Variants in SLC4A4 observed in about 807,000 individuals in gnomAD.
SLC4A4 encodes electrogenic sodium bicarbonate cotransporter 1.
Under a neutral mutation model 111.5 loss-of-function variants are expected in SLC4A4, and 27 were observed. That is an observed-to-expected ratio of 0.24 (90% CI 0.18 to 0.33). SLC4A4 has a LOEUF of 0.33. Among genes scored for constraint, SLC4A4 ranks in the 10% least tolerant of loss-of-function variants. SLC4A4 has a pLI of 1.00. For synonymous variants in SLC4A4, 443 were observed against 463.4 expected (o/e 0.96, Z 0.57); for missense variants, 909 against 1,315.5 (o/e 0.69, Z 4.78).
chr4:71,098,131 T>C (rs950473569), intron 2 of SLC4A4, among the ~76,000 whole-genome samples: 1 of 152,200 alleles, frequency 6.6e-6, no homozygotes, highest in African/African-American at 2.4e-5. Context: ...TTACCTAGGT[T>C]GTCTTCCAGA....
intron 2 of SLC4A4, among the ~76,000 whole-genome samples, chr4:71,145,000 G>A (rs1284403107): frequency 6.6e-6 from 1 of 152,104 alleles, no homozygotes; most frequent in African/African-American, 2.4e-5. Context: ...TAGGAGTGGT[G>A]AGAGAGGGCA....
At chr4:71,303,535 A>T (rs1351002555) in intron 3 of SLC4A4, among the ~76,000 whole-genome samples, 1 of 152,168 alleles carries the variant, frequency 6.6e-6, no homozygotes, top group Admixed American at 6.5e-5. Context: ...ACTGTGTTTC[A>T]GTTTTTGATT....
intron 6 of SLC4A4, among the ~76,000 whole-genome samples, chr4:71,396,559 C>A (rs1399947982): frequency 1.3e-5 from 2 of 152,156 alleles, no homozygotes; most frequent in Admixed American, 1.3e-4. Flanking sequence ...TGAGTCAGAT[C>A]ATTGAGGATT....
At chr4:71,300,746 G>A (rs750946955) in intron 3 of SLC4A4, 12 of 371,638 alleles carry the variant, frequency 3.2e-5, no homozygotes, top group African/African-American at 1.3e-4. Context: ...AGGGTGTTTC[G>A]AAGGTCTTAC....
At chr4:71,460,528 T>G (rs778352963) in intron 12 of SLC4A4, among the ~76,000 whole-genome samples, 2 of 152,154 alleles carry the variant, frequency 1.3e-5, no homozygotes, top group Non-Finnish European at 2.9e-5. Flanking sequence ...TGCTGGGCAT[T>G]GTAAACAGAA....
chr4:71,081,564 G>A (rs570357945), intron 1 of SLC4A4, among the ~76,000 whole-genome samples: 28 of 152,150 alleles, frequency 1.8e-4, no homozygotes, highest in African/African-American at 6.3e-4. Flanking sequence ...CTTGCTCTAC[G>A]TTACAGTGAT....
chr4:71,566,663 C>A (rs2149260519), intron 24 of SLC4A4, among the ~76,000 whole-genome samples: 1 of 151,444 alleles, frequency 6.6e-6, no homozygotes, highest in East Asian at 2.0e-4. Flanking sequence ...TCCTTATGAA[C>A]AACAGCAGGC....
chr4:71,098,189 G>C (rs1376033406), intron 2 of SLC4A4, among the ~76,000 whole-genome samples: 2 of 152,118 alleles, frequency 1.3e-5, no homozygotes, highest in African/African-American at 4.8e-5. Flanking sequence ...TTCATCCTGA[G>C]TTGATTTTTG....
intron 3 of SLC4A4, among the ~76,000 whole-genome samples, chr4:71,337,842 A>C (rs1011544386): frequency 6.6e-6 from 1 of 151,420 alleles, no homozygotes; most frequent in Admixed American, 6.6e-5. Flanking sequence ...TTAATTAATT[A>C]ATTTATAGAC....
intron 18 of SLC4A4, among the ~76,000 whole-genome samples, chr4:71,536,754 A>G (rs1207157945): frequency 6.6e-6 from 1 of 151,210 alleles, no homozygotes; most frequent in Non-Finnish European, 1.5e-5. Context: ...TTGGCCTCCC[A>G]AAGTGCTGGG....
At chr4:71,425,271 G>T (rs900650434) in intron 7 of SLC4A4, among the ~76,000 whole-genome samples, 3 of 152,088 alleles carry the variant, frequency 2.0e-5, no homozygotes, top group African/African-American at 7.2e-5. Flanking sequence ...CTGAGGTTTT[G>T]TCTTCAAACC....
At chr4:71,517,268 C>G (rs1351745081) in intron 16 of SLC4A4, among the ~76,000 whole-genome samples, 2 of 151,812 alleles carry the variant, frequency 1.3e-5, no homozygotes, top group African/African-American at 4.8e-5. Context: ...ATCTTATAAA[C>G]TTTCTTCATT....
chr4:71,219,686 T>C (rs1718629202), intron 1 of SLC4A4, among the ~76,000 whole-genome samples: 1 of 152,222 alleles, frequency 6.6e-6, no homozygotes, highest in Non-Finnish European at 1.5e-5. Context: ...TTTACCATTC[T>C]AGATGCCATT....
At chr4:71,078,402 T>C (rs775248521) in intron 1 of SLC4A4, among the ~76,000 whole-genome samples, 2 of 152,056 alleles carry the variant, frequency 1.3e-5, no homozygotes, top group Non-Finnish European at 2.9e-5. Context: ...TGCTTAGAAG[T>C]CTATGCAAGG....
chr4:71,133,600 G>C (rs2148962667), intron 2 of SLC4A4, among the ~76,000 whole-genome samples: 1 of 152,272 alleles, frequency 6.6e-6, no homozygotes, highest in East Asian at 1.9e-4. Context: ...AAACGCAGAA[G>C]TCCCAGGCCT....
chr4:71,168,494 T>A (rs2148981063), intron 2 of SLC4A4, among the ~76,000 whole-genome samples: 1 of 152,298 alleles, frequency 6.6e-6, no homozygotes, highest in Middle Eastern at 3.4e-3. Flanking sequence ...CTTTTAAATG[T>A]ACAATTAAAT....
intron 2 of SLC4A4, among the ~76,000 whole-genome samples, chr4:71,118,069 T>A (rs1476071166): frequency 6.6e-6 from 1 of 151,958 alleles, no homozygotes; most frequent in Admixed American, 6.6e-5. Flanking sequence ...AGAGATGGGG[T>A]TTCTCTATGT....
At chr4:71,072,926 C>T (rs1366978316) in intron 1 of SLC4A4, among the ~76,000 whole-genome samples, 2 of 151,826 alleles carry the variant, frequency 1.3e-5, no homozygotes, top group Non-Finnish European at 2.9e-5. Context: ...TGCCACTATG[C>T]CCAGTTAATT....
chr4:71,307,163 A>G (rs1177318044), intron 3 of SLC4A4, among the ~76,000 whole-genome samples: 1 of 152,226 alleles, frequency 6.6e-6, no homozygotes, highest in African/African-American at 2.4e-5. Context: ...AAAGTATTTA[A>G]AAGAAAAAAT....
Sources: gnomAD v4.1 joint callset for allele counts (sites outside exome capture counted in the v4.1 genomes callset) on GRCh38, gnomAD v4.1.1 for gene constraint, MANE v1.5 for transcripts, NCBI Gene and HGNC (gene_info 2026-07-23, HGNC 2026-07-21) for gene names.